Variants in SPTBN1 observed in about 807,000 individuals in gnomAD.
SPTBN1 encodes spectrin beta chain, non-erythrocytic 1.
SPTBN1 carries 32 observed loss-of-function variants against 266.4 expected under a neutral mutation model. That is an observed-to-expected ratio of 0.12 (90% CI 0.09 to 0.16). SPTBN1 has a LOEUF of 0.16. Among genes scored for constraint, SPTBN1 ranks in the 10% least tolerant of loss-of-function variants. The pLI is 1.00. For synonymous variants in SPTBN1, 1,336 were observed against 1,162.2 expected (o/e 1.15, Z -3.04); for missense variants, 2,296 against 3,067.1 (o/e 0.75, Z 5.94).
intron 17 of SPTBN1, among the ~76,000 whole-genome samples, chr2:54,637,490 C>T (rs1679230697): frequency 6.6e-6 from 1 of 152,108 alleles, no homozygotes; most frequent in Admixed American, 6.5e-5. Context: ...TATGTTCGGC[C>T]TGTTGTGTGG....
chr2:54,566,623 GAGTTCGAGACCAGC>G (rs1673684256), intron 2 of SPTBN1, among the ~76,000 whole-genome samples: 1 of 152,082 alleles, frequency 6.6e-6, no homozygotes, highest in East Asian at 1.9e-4. Flanking sequence ...CTGAGGTCAG[GAGTTCGAGACCAGC>G]CTGGTCAACG....
At chr2:54,504,503 G>A (rs1245185069) in intron 1 of SPTBN1, among the ~76,000 whole-genome samples, 1 of 152,190 alleles carries the variant, frequency 6.6e-6, no homozygotes, top group African/African-American at 2.4e-5. Context: ...GTTCGAAAAA[G>A]CAGAAGCACG....
intron 15 of SPTBN1, 44 bp downstream of exon 15, chr2:54,630,073 C>T (rs781603763): frequency 1.8e-5 from 28 of 1,595,362 alleles, no homozygotes; most frequent in Non-Finnish European, 2.2e-5. Flanking sequence ...ACGTGTGGGA[C>T]TGGGGAGGGT....
chr2:54,584,103 A>G (rs1036709423), intron 2 of SPTBN1, among the ~76,000 whole-genome samples: 4 of 152,244 alleles, frequency 2.6e-5, no homozygotes, highest in African/African-American at 4.8e-5. Flanking sequence ...ACATTTAAAC[A>G]TATACATTCG....
Position 54,472,189 on chromosome 2 carries a change from A to G in SPTBN1, c.-48+15671A>G, listed in dbSNP as rs371490284. ...ACTACAGGCACCCACCACCACGCCC[A>G]GCTAATTTTTTGTATTTTTAGTAGA... On this transcript the variant is annotated intron_variant, in intron 1 of 35. Transcript: ENST00000356805. 5.1e-4 allele frequency among the ~76,000 whole-genome samples: 78 copies of G among 151,766 alleles called. 1 individual carries two copies. The highest frequency in any genetic ancestry group is 1.8e-3 in the African/African-American group (75 of 41,378).
chr2:54,475,202 G>GTT (rs1558758207), intron 1 of SPTBN1, among the ~76,000 whole-genome samples: 1 of 151,936 alleles, frequency 6.6e-6, no homozygotes, highest in Non-Finnish European at 1.5e-5. Context: ...GCGAAACTCC[G>GTT]TCTCAAAAAA....
intron 1 of SPTBN1, among the ~76,000 whole-genome samples, chr2:54,522,701 A>AGAGAGAGAGAGAGAGAGAGAG (rs1558802720): frequency 2.6e-4 from 18 of 70,162 alleles, no homozygotes; most frequent in Non-Finnish European, 3.4e-4. Context: ...GAGAGAGAGA[A>AGAGAGAGAGAGAGAGAGAGAG]AGAAAGAAAG....
chr2:54,549,951 T>C (rs1445195509), intron 2 of SPTBN1, among the ~76,000 whole-genome samples: 1 of 152,198 alleles, frequency 6.6e-6, no homozygotes, highest in Non-Finnish European at 1.5e-5. Flanking sequence ...ATCTGGTCTT[T>C]GCCCATGCCA....
At chr2:54,553,877 C>A (rs1415855887) in intron 2 of SPTBN1, among the ~76,000 whole-genome samples, 2 of 152,164 alleles carry the variant, frequency 1.3e-5, no homozygotes, top group Middle Eastern at 3.2e-3. Context: ...CTTTCTTTCC[C>A]CTCAAGACTG....
chr2:54,500,708 A>G (rs933230171), intron 1 of SPTBN1, among the ~76,000 whole-genome samples: 2 of 151,920 alleles, frequency 1.3e-5, no homozygotes, highest in Admixed American at 6.6e-5. Flanking sequence ...CACCACGCCT[A>G]GCTAATTTTT....
chr2:54,666,164 C>T, intron 34 of SPTBN1, 76 bp downstream of exon 34: 2 of 1,436,848 alleles, frequency 1.4e-6, no homozygotes, highest in South Asian at 1.3e-5. Flanking sequence ...TTTTCTTATA[C>T]AGCTGCTGTG....
At chr2:54,661,547 G>A in intron 32 of SPTBN1, 1 of 985,700 alleles carries the variant, frequency 1.0e-6, no homozygotes, top group Non-Finnish European at 1.2e-6. Context: ...ATAGATAGAT[G>A]CCAAGCTTCT....
At chr2:54,541,151 A>G (rs1671910955) in intron 2 of SPTBN1, among the ~76,000 whole-genome samples, 1 of 152,210 alleles carries the variant, frequency 6.6e-6, no homozygotes, top group Non-Finnish European at 1.5e-5. Flanking sequence ...TGCCAGTCCC[A>G]AAGCTGTTTT....
At position 54,629,006 on chromosome 2, in the gene SPTBN1, C is replaced by T; in HGVS notation, c.1872C>T (p.Cys624=). 6.2e-7 allele frequency: 1 copy of T among 1,613,780 alleles called. No individual in the cohort carries two copies. Among genetic ancestry groups the T allele is most frequent in the South Asian group, 1.1e-5 (1 of 91,086 alleles). ...AHMEFCYQEL[C]QLAAERRARL... is the part of the protein sequence containing the mutation. The stretch of plus-strand genomic sequence containing the variant: ...TGGAGTTCTGTTATCAAGAGCTTTG[C>T]CAGCTGGCGGCTGAGCGCAGGGCCC... The change falls in exon 14 of 36, where the codon TGC becomes TGT. Residue 624 remains cysteine (C), a synonymous_variant. Coordinates refer to ENST00000356805, the MANE Select transcript of SPTBN1 (RefSeq NM_003128.3).
chr2:54,490,079 A>ATTTT (rs11326998), intron 1 of SPTBN1, among the ~76,000 whole-genome samples: 2 of 135,424 alleles, frequency 1.5e-5, no homozygotes, highest in Non-Finnish European at 1.6e-5. Flanking sequence ...AAGTTTATGA[A>ATTTT]TTTTTTTTTT....
At chr2:54,480,483 C>A (rs1024052611) in intron 1 of SPTBN1, among the ~76,000 whole-genome samples, 1 of 152,184 alleles carries the variant, frequency 6.6e-6, no homozygotes. Flanking sequence ...CCTAAAAATT[C>A]ATTGTTTATC....
chr2:54,519,448 C>A (rs905536804), intron 1 of SPTBN1, among the ~76,000 whole-genome samples: 2 of 151,966 alleles, frequency 1.3e-5, no homozygotes, highest in Non-Finnish European at 2.9e-5. Context: ...TGAGGAGGTT[C>A]CTGGATGTAG....
intron 18 of SPTBN1, among the ~76,000 whole-genome samples, chr2:54,638,762 G>T (rs1679329423): frequency 6.6e-6 from 1 of 152,106 alleles, no homozygotes; most frequent in Non-Finnish European, 1.5e-5. Flanking sequence ...ACAAAAAGCT[G>T]CAGGAACCTT....
rs534978111 is a variant in SPTBN1, at chr2:54,470,244, A to G, written c.-48+13726A>G. Among the ~76,000 whole-genome samples the G allele has an allele frequency of 3.9e-5, 5 of 127,804 alleles. No homozygotes were observed. In the South Asian group the frequency reaches 7.0e-4, roughly 18 times the overall value. 83.8% of individuals were successfully genotyped at this position (127,804 alleles called of 152,430 possible). On this transcript the variant is annotated intron_variant, in intron 1 of 35. Transcript: ENST00000356805. ...TTCTTGTCTGTCATTTGAATTTTTT[A>G]TATATATTTTTTCCGGCTGTGAAGA...
Sources: allele counts gnomAD v4.1 joint callset (sites outside exome capture counted in the v4.1 genomes callset), GRCh38; gene constraint gnomAD v4.1.1; transcripts MANE v1.5; gene names NCBI Gene and HGNC (gene_info 2026-07-23, HGNC 2026-07-21).